The following SPIRE1 variants were observed in gnomAD, a reference collection of about 807,000 sequenced individuals.
SPIRE1 encodes the protein spire type actin nucleation factor 1, also known as protein spire homolog 1.
Under a neutral mutation model 94.1 loss-of-function variants are expected in SPIRE1, and 40 were observed. That is an observed-to-expected ratio of 0.43 (90% CI 0.33 to 0.55). The LOEUF (loss-of-function observed/expected upper bound fraction) is 0.55, where lower values mean the gene tolerates loss of function less well. SPIRE1 is among the 20% of genes least tolerant of loss of function. The pLI is 0.06. For synonymous variants in SPIRE1, 376 were observed against 371.7 expected, an observed-to-expected ratio of 1.01 and a Z score of -0.13; for missense variants, 838 against 975.2, an observed-to-expected ratio of 0.86 and a Z score of 1.87.
chr18:12,658,381 G>A, upstream of SPIRE1: 1 of 401,704 alleles, frequency 2.5e-6, no homozygotes, highest in Middle Eastern at 7.3e-4. Flanking sequence ...GGGATGCGCG[G>A]CCGGGTAGGG....
intron 1 of SPIRE1, among the ~76,000 whole-genome samples, chr18:12,646,379 A>G (rs777265485): frequency 1.3e-5 from 2 of 152,130 alleles, no homozygotes; most frequent in Non-Finnish European, 2.9e-5. Context: ...TAGTTTCTCC[A>G]TCTATGAGCT....
At chr18:12,554,189 C>T (rs2035434769) in intron 2 of SPIRE1, among the ~76,000 whole-genome samples, 2 of 150,750 alleles carry the variant, frequency 1.3e-5, no homozygotes, top group South Asian at 2.1e-4. Flanking sequence ...ATCCTAGCTA[C>T]TTGGGAGGCT....
intron 10 of SPIRE1, among the ~76,000 whole-genome samples, chr18:12,478,323 GGTGT>G (rs979656228): frequency 3.3e-5 from 5 of 151,578 alleles, no homozygotes; most frequent in South Asian, 4.2e-4. Flanking sequence ...GTGTAGCTAG[GGTGT>G]GTGTGTGCAC....
At chr18:12,606,719 C>A (rs1219990073) in intron 2 of SPIRE1, among the ~76,000 whole-genome samples, 1 of 152,058 alleles carries the variant, frequency 6.6e-6, no homozygotes, top group Non-Finnish European at 1.5e-5. Flanking sequence ...TTGGTAGAGA[C>A]CGGGTTTCGC....
At chr18:12,587,086 C>T (rs532730066) in intron 2 of SPIRE1, among the ~76,000 whole-genome samples, 72 of 152,324 alleles carry the variant, frequency 4.7e-4, no homozygotes, top group Non-Finnish European at 8.4e-4. Context: ...CTATTTCCTT[C>T]TGATCAAGAA....
intron 16 of SPIRE1, 133 bp from the exon 17 acceptor site, chr18:12,450,029 CCTT>C (rs2031151572): frequency 4.1e-6 from 4 of 967,256 alleles, no homozygotes; most frequent in Non-Finnish European, 5.9e-6. Flanking sequence ...AATCATATGT[CCTT>C]CTAAAAAAAT....
At chr18:12,600,689 C>A (rs1266095598) in intron 2 of SPIRE1, among the ~76,000 whole-genome samples, 2 of 152,050 alleles carry the variant, frequency 1.3e-5, no homozygotes, top group Non-Finnish European at 2.9e-5. Context: ...ATTATTTTAT[C>A]AGTTTTATTT....
chr18:12,512,297 G>A (rs2034058398), intron 5 of SPIRE1, among the ~76,000 whole-genome samples, 157 bp downstream of exon 5: 2 of 152,030 alleles, frequency 1.3e-5, no homozygotes, highest in East Asian at 1.9e-4. Flanking sequence ...CCAGGAGGCG[G>A]GGGTTGCAGT....
At chr18:12,532,815 A>G (rs1433106811) in intron 4 of SPIRE1, among the ~76,000 whole-genome samples, 1 of 152,186 alleles carries the variant, frequency 6.6e-6, no homozygotes, top group African/African-American at 2.4e-5. Flanking sequence ...GTTGATAGGC[A>G]ATTTATGTGC....
chr18:12,569,340 C>CAA lies in SPIRE1; in HGVS notation c.373-22438_373-22437dup, dbSNP rs11344272. ...TGGGCGACAGAGTGAGACTCCGTCT[C>CAA]AAAAAAAAAAAAAAAAAGGAGCACA... On this transcript the variant is annotated intron_variant, in intron 2 of 16. Transcript: ENST00000409402. 2.3e-4 allele frequency among the ~76,000 whole-genome samples: 26 copies of CAA among 114,416 alleles called. 1 individual carries two copies. Among genetic ancestry groups the CAA allele is most frequent in the Middle Eastern group, 4.5e-3 (1 of 222 alleles). 75.1% of individuals were successfully genotyped at this position (114,416 alleles called of 152,430 possible).
intron 2 of SPIRE1, among the ~76,000 whole-genome samples, chr18:12,576,339 T>G (rs2036094775): frequency 6.6e-6 from 1 of 152,124 alleles, no homozygotes; most frequent in South Asian, 2.1e-4. Flanking sequence ...GGCTCACCTC[T>G]GTAATCCTGA....
intron 2 of SPIRE1, among the ~76,000 whole-genome samples, chr18:12,617,199 G>A (rs573038814): frequency 3.5e-5 from 5 of 141,002 alleles, no homozygotes; most frequent in African/African-American, 8.0e-5. Context: ...TCGCTCTGTC[G>A]CCCAGGCTGG....
At chr18:12,616,243 G>T (rs2037304224) in intron 2 of SPIRE1, among the ~76,000 whole-genome samples, 1 of 152,122 alleles carries the variant, frequency 6.6e-6, no homozygotes, top group Admixed American at 6.5e-5. Flanking sequence ...GTTTGTTTGT[G>T]GTGTAGAATG....
chr18:12,530,300 A>C (rs911683802), intron 4 of SPIRE1, among the ~76,000 whole-genome samples: 1 of 152,216 alleles, frequency 6.6e-6, no homozygotes, highest in Non-Finnish European at 1.5e-5. Context: ...AAATTTAGTC[A>C]CGCAAATTTT....
chr18:12,650,876 C>CA (rs34966832), intron 1 of SPIRE1, among the ~76,000 whole-genome samples: 3,172 of 73,978 alleles, frequency 0.043, 61 homozygotes, highest in Non-Finnish European at 0.057. Context: ...GACCCTGTCT[C>CA]AAAAAAAAAA....
intron 10 of SPIRE1, among the ~76,000 whole-genome samples, chr18:12,476,188 T>G (rs1351083041): frequency 6.6e-6 from 1 of 152,160 alleles, no homozygotes; most frequent in Non-Finnish European, 1.5e-5. Flanking sequence ...AAACAGTTGA[T>G]TAAAAATAAA....
At chr18:12,632,978 A>G (rs1480332021) in intron 2 of SPIRE1, among the ~76,000 whole-genome samples, 6 of 152,246 alleles carry the variant, frequency 3.9e-5, no homozygotes, top group African/African-American at 1.4e-4. Flanking sequence ...TTAATTCACA[A>G]TAGTGCATTT....
At chr18:12,549,439 G>GTTTTTTTGTTTT in intron 2 of SPIRE1, among the ~76,000 whole-genome samples, 1 of 41,248 alleles carries the variant, frequency 2.4e-5, no homozygotes, top group South Asian at 1.7e-3. Flanking sequence ...TGTTATTGTT[G>GTTTTTTTGTTTT]TTTTTTTTTT....
chr18:12,595,562 C>A (rs76716153), intron 2 of SPIRE1, among the ~76,000 whole-genome samples: 3,843 of 152,272 alleles, frequency 0.025, 168 homozygotes, highest in African/African-American at 0.087. Flanking sequence ...ACGTGTGGCT[C>A]ATCTACCAGA....
Sources: allele counts gnomAD v4.1 joint callset (sites outside exome capture counted in the v4.1 genomes callset), GRCh38; gene constraint gnomAD v4.1.1; transcripts MANE v1.5; gene names NCBI Gene and HGNC (gene_info 2026-07-23, HGNC 2026-07-21).